RERE: variants seen among roughly 807,000 people sequenced by gnomAD.
RERE encodes arginine-glutamic acid dipeptide repeats.
A neutral mutation model predicts 146.1 loss-of-function variants in RERE; 40 were observed. The observed-to-expected ratio is 0.27, with a 90% CI of 0.21 to 0.36. The LOEUF (loss-of-function observed/expected upper bound fraction) is 0.36, where lower values mean the gene tolerates loss of function less well. Among genes scored for constraint, RERE ranks in the 10% least tolerant of loss-of-function variants. RERE has a pLI of 1.00. For missense variants in RERE, 1,933 were observed against 2,138.7 expected, an observed-to-expected ratio of 0.90 and a Z score of 1.90; for synonymous variants, 1,003 against 866.0, an observed-to-expected ratio of 1.16 and a Z score of -2.78.
chr1:8,450,714 C>T (rs921061253), intron 11 of RERE, among the ~76,000 whole-genome samples: 9 of 152,186 alleles, frequency 5.9e-5, no homozygotes, highest in African/African-American at 2.2e-4. Flanking sequence ...GCAATCCTGT[C>T]TCACCGTCTC....
intron 1 of RERE, among the ~76,000 whole-genome samples, chr1:8,736,995 A>T (rs1243729788): frequency 6.6e-6 from 1 of 152,148 alleles, no homozygotes; most frequent in Non-Finnish European, 1.5e-5. Flanking sequence ...AAAACAAATG[A>T]TTATCTTTCT....
At chr1:8,583,057 T>G (rs757642788) in intron 4 of RERE, among the ~76,000 whole-genome samples, 2 of 152,192 alleles carry the variant, frequency 1.3e-5, no homozygotes, top group Non-Finnish European at 2.9e-5. Context: ...TTCTCCCTCA[T>G]GGTTTATACA....
intron 1 of RERE, among the ~76,000 whole-genome samples, chr1:8,682,183 A>G (rs1426062709): frequency 6.6e-6 from 1 of 152,190 alleles, no homozygotes; most frequent in Non-Finnish European, 1.5e-5. Context: ...TCTGCTTAGT[A>G]ATAGGTGAAA....
At position 8,817,442 on chromosome 1, in the gene RERE, C is replaced by T. The variant is rs1400349852; in HGVS notation, c.-427G>A. On this transcript the variant is annotated 5_prime_UTR_variant, in exon 1 of 23. Coordinates refer to ENST00000400908, the MANE Select transcript of RERE (RefSeq NM_001042681.2). ...GTTTTGTTTTCCGAGGGCGAGGGGG[C>T]TCCCTGAGGATGATGGTGATTTTTT... The T allele has an allele frequency of 6.7e-6, 1 of 149,852 alleles. No individual in the cohort carries two copies. Among genetic ancestry groups the T allele is most frequent in the South Asian group, 2.1e-4 (1 of 4,730 alleles). The allele number at this position is 149,852 out of a possible 1,614,324, so 9.3% of individuals were successfully genotyped here.
intron 6 of RERE, among the ~76,000 whole-genome samples, chr1:8,542,976 A>G (rs1308418278): frequency 6.6e-6 from 1 of 152,238 alleles, no homozygotes; most frequent in African/African-American, 2.4e-5. Flanking sequence ...ACTGAATTTA[A>G]AATTTTATTT....
Position 8,359,022 on chromosome 1 carries a change from G to A in RERE, c.3619-106C>T, listed in dbSNP as rs890454065. 7 of 1,365,204 alleles carry A rather than the reference G, an allele frequency of 5.1e-6. No individual in the cohort carries two copies. The African/African-American group carries it at 1.0e-4, about 20-fold the overall frequency. 84.6% of individuals were successfully genotyped at this position (1,365,204 alleles called of 1,614,324 possible). On this transcript the variant is annotated intron_variant, in intron 19 of 22. Coordinates refer to ENST00000400908, the MANE Select transcript of RERE (RefSeq NM_001042681.2). ...GTCCTGCTCCTGGCCTGCTCTGACA[G>A]GCCAACCTGGTCCCTCCACGGAGAC...
intron 7 of RERE, among the ~76,000 whole-genome samples, chr1:8,539,884 T>C (rs1382666558): frequency 6.6e-6 from 1 of 152,050 alleles, no homozygotes; most frequent in Admixed American, 6.6e-5. Context: ...AAGAGAGCTG[T>C]GGGCAGCTTC....
At chr1:8,440,990 G>T (rs550260104) in intron 11 of RERE, among the ~76,000 whole-genome samples, 2 of 127,184 alleles carry the variant, frequency 1.6e-5, no homozygotes, top group East Asian at 5.1e-4. Flanking sequence ...TTTAGCTCAT[G>T]CAGGTTTTTT....
intron 1 of RERE, among the ~76,000 whole-genome samples, chr1:8,736,147 C>A (rs1027314183): frequency 1.3e-5 from 2 of 152,044 alleles, no homozygotes; most frequent in Non-Finnish European, 2.9e-5. Context: ...GGGGTGCTCT[C>A]ACTATCATAA....
chr1:8,462,671 C>A (rs2124114827), intron 11 of RERE, among the ~76,000 whole-genome samples: 1 of 152,310 alleles, frequency 6.6e-6, no homozygotes, highest in South Asian at 2.1e-4. Context: ...CCAAGGGAAA[C>A]CCGTTCATCA....
chr1:8,781,882 T>C (rs774671763), intron 1 of RERE, among the ~76,000 whole-genome samples: 2 of 152,024 alleles, frequency 1.3e-5, no homozygotes, highest in Non-Finnish European at 2.9e-5. Context: ...AGTTACTGCC[T>C]CATGGTTTTA....
intron 1 of RERE, among the ~76,000 whole-genome samples, chr1:8,766,546 C>CAAAAA (rs60530407): frequency 2.1e-4 from 14 of 65,694 alleles, no homozygotes; most frequent in Middle Eastern, 9.1e-3. Context: ...GACTCCATTG[C>CAAAAA]AAAAAAAAAA....
chr1:8,541,880 A>G (rs1270341306), intron 6 of RERE, among the ~76,000 whole-genome samples: 2 of 152,230 alleles, frequency 1.3e-5, no homozygotes, highest in African/African-American at 4.8e-5. Flanking sequence ...ATGGGCCCCA[A>G]TATACAAGGA....
chr1:8,690,868 CA>C (rs1413114406), intron 1 of RERE, among the ~76,000 whole-genome samples: 4 of 151,814 alleles, frequency 2.6e-5, no homozygotes, highest in African/African-American at 9.7e-5. Flanking sequence ...TAGATGTGGC[CA>C]AAATTTTAGT....
At chr1:8,766,650 C>T (rs1485847017) in intron 1 of RERE, among the ~76,000 whole-genome samples, 6 of 150,180 alleles carry the variant, frequency 4.0e-5, no homozygotes, top group Non-Finnish European at 1.5e-5. Context: ...GAAAAAGAAA[C>T]AATACTTGAT....
In RERE at chr1:8,384,597, A is replaced by G. The variant is rs550691442; in HGVS notation, c.1285-18623T>C. On this transcript the variant is annotated intron_variant, in intron 12 of 22. Transcript: ENST00000400908. ...CCAGATAGGAGTGATGAATATCTGA[A>G]CTGATGAATATCACTTAAAAAGTCT... Among the ~76,000 whole-genome samples, 9 of 152,348 alleles carry G rather than the reference A, an allele frequency of 5.9e-5. No homozygotes were observed. In the South Asian group the frequency reaches 1.9e-3, roughly 32 times the overall value.
rs3050828 is a variant in RERE, at chr1:8,545,982, C to CTTTT, written c.726-4668_726-4665dup. ...ACAGGTGCAAGCTACCATACCCAGT[C>CTTTT]TTTTTTTTTTTTTTTTTTTTTTTTT... On this transcript the variant is annotated intron_variant, in intron 6 of 22. Transcript: ENST00000400908. Among the ~76,000 whole-genome samples the CTTTT allele has an allele frequency of 2.6e-3, 178 of 69,464 alleles. 20 individuals are homozygous for CTTTT. Among genetic ancestry groups the CTTTT allele is most frequent in the African/African-American group, 6.4e-3 (107 of 16,700 alleles). 45.6% of individuals were successfully genotyped at this position (69,464 alleles called of 152,430 possible).
chr1:8,493,100 CA>C (rs1442287331), intron 10 of RERE, among the ~76,000 whole-genome samples: 1 of 152,104 alleles, frequency 6.6e-6, no homozygotes, highest in African/African-American at 2.4e-5. Context: ...AAAACAACAA[CA>C]AACAACAACA....
chr1:8,796,468 G>C (rs1183951985), intron 1 of RERE: 1 of 151,804 alleles, frequency 6.6e-6, no homozygotes, highest in Non-Finnish European at 1.5e-5. Flanking sequence ...CAACTAAAAG[G>C]CAAAGGAACT....
Sources: allele counts gnomAD v4.1 joint callset (sites outside exome capture counted in the v4.1 genomes callset), GRCh38; gene constraint gnomAD v4.1.1; transcripts MANE v1.5; gene names NCBI Gene and HGNC (gene_info 2026-07-23, HGNC 2026-07-21).